KCNH1: variants seen among roughly 807,000 people sequenced by gnomAD.
KCNH1 encodes the protein voltage-gated delayed rectifier potassium channel KCNH1.
Under a neutral mutation model 69.2 loss-of-function variants are expected in KCNH1, and 27 were observed. The ratio of observed to expected loss-of-function variants is 0.39; its 90% CI spans 0.29 to 0.54. The LOEUF is 0.54. KCNH1 is among the 20% of genes least tolerant of loss of function. The pLI is 0.68. For synonymous variants in KCNH1, 456 were observed against 487.7 expected, an observed-to-expected ratio of 0.93 and a Z score of 0.86; for missense variants, 798 against 1,261.6, an observed-to-expected ratio of 0.63 and a Z score of 5.57.
rs1374597346 is a variant in KCNH1, at chr1:210,860,425, A to G, written c.1463-56259T>C. 5.1e-6 allele frequency: 5 copies of G among 987,026 alleles called. No individual in the cohort carries two copies. The African/African-American group carries it at 6.4e-5, about 13-fold the overall frequency. The allele number at this position is 987,026 out of a possible 1,614,324, so 61.1% of individuals were successfully genotyped here. ...CTCTTTATGATCTTCAACTACACTAAGAAGTGTGTCAATTGTATTCAGAAT... is the reference window on the plus strand; with the variant it reads ...CTCTTTATGATCTTCAACTACACTAGGAAGTGTGTCAATTGTATTCAGAAT... On this transcript the variant is annotated intron_variant, in intron 7 of 10. Coordinates refer to ENST00000271751, the MANE Select transcript of KCNH1 (RefSeq NM_172362.3).
intron 3 of KCNH1, among the ~76,000 whole-genome samples, chr1:211,091,269 C>T (rs1156910849): frequency 6.6e-6 from 1 of 152,146 alleles, no homozygotes. Context: ...GCATCCTCTG[C>T]CTCCTGAGTG....
chr1:210,793,394 A>C (rs971470223), intron 9 of KCNH1, among the ~76,000 whole-genome samples: 7 of 152,236 alleles, frequency 4.6e-5, no homozygotes, highest in African/African-American at 1.4e-4. Flanking sequence ...TAGCAAGAGA[A>C]GTATCAAATT....
chr1:211,007,744 T>C (rs943246861), intron 6 of KCNH1, among the ~76,000 whole-genome samples: 1 of 152,180 alleles, frequency 6.6e-6, no homozygotes, highest in Non-Finnish European at 1.5e-5. Flanking sequence ...TTCCTACCTC[T>C]GAGAATGTGC....
intron 5 of KCNH1, among the ~76,000 whole-genome samples, chr1:211,038,648 T>TAGG (rs1689940746): frequency 6.6e-6 from 1 of 152,112 alleles, no homozygotes; most frequent in African/African-American, 2.4e-5. Flanking sequence ...GATGAGGAAC[T>TAGG]TGTTGGGGAC....
intron 10 of KCNH1, among the ~76,000 whole-genome samples, chr1:210,715,741 A>G (rs977090104): frequency 1.3e-5 from 2 of 152,192 alleles, no homozygotes; most frequent in African/African-American, 4.8e-5. Flanking sequence ...TCATCAAAAC[A>G]AACCCACGTG....
At chr1:210,959,857 A>G (rs1233214501) in intron 6 of KCNH1, among the ~76,000 whole-genome samples, 2 of 152,204 alleles carry the variant, frequency 1.3e-5, no homozygotes, top group African/African-American at 2.4e-5. Context: ...GACCCTTTGC[A>G]CTTCCCAGGT....
At chr1:211,015,550 G>A (rs959769248) in intron 6 of KCNH1, among the ~76,000 whole-genome samples, 3 of 151,926 alleles carry the variant, frequency 2.0e-5, no homozygotes, top group Admixed American at 1.3e-4. Flanking sequence ...TTACAAGAAA[G>A]AGGTCACGGT....
intron 7 of KCNH1, among the ~76,000 whole-genome samples, chr1:210,917,277 A>T (rs952473269): frequency 6.7e-6 from 1 of 150,206 alleles, no homozygotes; most frequent in African/African-American, 2.5e-5. Flanking sequence ...GAAAGAAAGA[A>T]AGAAAAGAAA....
intron 6 of KCNH1, among the ~76,000 whole-genome samples, chr1:210,946,323 G>A (rs1687957980): frequency 6.6e-6 from 1 of 152,114 alleles, no homozygotes; most frequent in Non-Finnish European, 1.5e-5. Context: ...CTGGGAGCAT[G>A]TGTATCCATG....
chr1:210,758,331 T>C (rs1350590054), intron 10 of KCNH1, among the ~76,000 whole-genome samples: 1 of 152,194 alleles, frequency 6.6e-6, no homozygotes, highest in Non-Finnish European at 1.5e-5. Context: ...CAGTAGGTGC[T>C]GGAATTAGAC....
chr1:211,030,623 C>T (rs925536759), intron 5 of KCNH1, among the ~76,000 whole-genome samples: 5 of 151,612 alleles, frequency 3.3e-5, no homozygotes, highest in Admixed American at 6.6e-5. Context: ...GGATTGTGGA[C>T]TTAAATATAA....
chr1:210,984,339 C>T (rs1167564501), intron 6 of KCNH1, among the ~76,000 whole-genome samples: 1 of 152,140 alleles, frequency 6.6e-6, no homozygotes, highest in African/African-American at 2.4e-5. Context: ...AGAGGGCATC[C>T]CTGTCTTGTG....
intron 5 of KCNH1, among the ~76,000 whole-genome samples, chr1:211,037,807 G>A (rs149981568): frequency 1.3e-5 from 2 of 152,198 alleles, no homozygotes; most frequent in East Asian, 3.9e-4. Context: ...AACTTGAATT[G>A]TATCTCCCAG....
intron 6 of KCNH1, among the ~76,000 whole-genome samples, chr1:210,978,072 C>G (rs1688646901): frequency 1.3e-5 from 2 of 149,128 alleles, no homozygotes; most frequent in South Asian, 4.2e-4. Flanking sequence ...TGGAGTCTCG[C>G]TCTGTGCCTA....
chr1:211,070,428 A>ACACAC (rs1289542011), intron 5 of KCNH1, among the ~76,000 whole-genome samples: 31 of 114,262 alleles, frequency 2.7e-4, no homozygotes, highest in African/African-American at 3.7e-4. Context: ...TAAAAAAAAA[A>ACACAC]AAACACACAC....
chr1:210,814,394 G>T (rs970482897), intron 7 of KCNH1, among the ~76,000 whole-genome samples: 15 of 152,078 alleles, frequency 9.9e-5, no homozygotes, highest in African/African-American at 3.6e-4. Flanking sequence ...TTAACAGCAG[G>T]ATAATTAAAG....
chr1:210,773,670 G>A (rs1293659335), intron 10 of KCNH1, among the ~76,000 whole-genome samples: 1 of 152,134 alleles, frequency 6.6e-6, no homozygotes, highest in African/African-American at 2.4e-5. Context: ...ATTCAGCTAG[G>A]TATCACCCCT....
chr1:210,688,124 G>A (rs929685989), intron 10 of KCNH1, among the ~76,000 whole-genome samples: 3 of 152,160 alleles, frequency 2.0e-5, no homozygotes, highest in Non-Finnish European at 2.9e-5. Flanking sequence ...TGTGCCTTAC[G>A]AATGTCTAAG....
chr1:210,941,007 G>T (rs1412438341), intron 6 of KCNH1, among the ~76,000 whole-genome samples: 1 of 152,170 alleles, frequency 6.6e-6, no homozygotes, highest in African/African-American at 2.4e-5. Flanking sequence ...TGACTTTCAT[G>T]GGGGTTGCAT....
Sources: allele counts gnomAD v4.1 joint callset (sites outside exome capture counted in the v4.1 genomes callset), GRCh38; gene constraint gnomAD v4.1.1; transcripts MANE v1.5; gene names NCBI Gene and HGNC (gene_info 2026-07-23, HGNC 2026-07-21).